Variants in ZNF385B observed in about 807,000 individuals in gnomAD.
The protein encoded by ZNF385B is zinc finger protein 385B, also known as zinc finger protein 533.
A neutral mutation model predicts 39.2 loss-of-function variants in ZNF385B; 23 were observed. That is an observed-to-expected ratio of 0.59 (90% CI 0.42 to 0.83). The LOEUF (loss-of-function observed/expected upper bound fraction) is 0.83, where lower values mean the gene tolerates loss of function less well. Among genes scored for constraint, ZNF385B ranks in the 40% least tolerant of loss-of-function variants. The pLI, the probability that ZNF385B is intolerant of heterozygous loss-of-function variation, is 0.00. For missense variants in ZNF385B, 552 were observed against 598.9 expected, an observed-to-expected ratio of 0.92 and a Z score of 0.82; for synonymous variants, 205 against 222.6, an observed-to-expected ratio of 0.92 and a Z score of 0.70.
At chr2:179,673,821 T>A (rs192407796) in intron 3 of ZNF385B, among the ~76,000 whole-genome samples, 2 of 152,370 alleles carry the variant, frequency 1.3e-5, no homozygotes, top group East Asian at 3.9e-4. Flanking sequence ...CATAACTTTT[T>A]AAAATACTCT....
intron 3 of ZNF385B, among the ~76,000 whole-genome samples, chr2:179,570,991 T>C (rs555589237): frequency 3.3e-5 from 5 of 152,380 alleles, no homozygotes; most frequent in Admixed American, 6.5e-5. Context: ...TGAATCTTTC[T>C]ATAAAGCAAA....
chr2:179,766,657 A>C (rs985570492), intron 3 of ZNF385B, among the ~76,000 whole-genome samples: 1 of 152,096 alleles, frequency 6.6e-6, no homozygotes, highest in Non-Finnish European at 1.5e-5. Flanking sequence ...TAAGGTTATC[A>C]GTCATATTGG....
intron 1 of ZNF385B, among the ~76,000 whole-genome samples, chr2:179,843,144 A>G (rs1208139496): frequency 1.3e-5 from 2 of 151,568 alleles, no homozygotes; most frequent in Non-Finnish European, 2.9e-5. Context: ...TGCTCCTCCT[A>G]CCTCCCAGGA....
At chr2:179,552,393 T>A (rs1371021179) in intron 3 of ZNF385B, among the ~76,000 whole-genome samples, 1 of 149,214 alleles carries the variant, frequency 6.7e-6, no homozygotes, top group Non-Finnish European at 1.5e-5. Flanking sequence ...CAGGAGTAGT[T>A]TCTTCTTATG....
chr2:179,685,124 A>T (rs1468654089), intron 3 of ZNF385B, among the ~76,000 whole-genome samples: 1 of 152,218 alleles, frequency 6.6e-6, no homozygotes, highest in Non-Finnish European at 1.5e-5. Flanking sequence ...GCCTTTCATC[A>T]ACTATGAACT....
chr2:179,533,696 C>G (rs2059398082), intron 4 of ZNF385B, among the ~76,000 whole-genome samples: 1 of 152,082 alleles, frequency 6.6e-6, no homozygotes, highest in Non-Finnish European at 1.5e-5. Context: ...ATTATCAATA[C>G]ATGAAGGATA....
chr2:179,822,385 A>G (rs980031504), intron 1 of ZNF385B, among the ~76,000 whole-genome samples: 4 of 152,268 alleles, frequency 2.6e-5, no homozygotes, highest in Admixed American at 1.3e-4. Context: ...AAGTACTTTA[A>G]CATTCAAAAA....
intron 1 of ZNF385B, among the ~76,000 whole-genome samples, chr2:179,851,122 C>T (rs1684110691): frequency 6.6e-6 from 1 of 152,202 alleles, no homozygotes; most frequent in Non-Finnish European, 1.5e-5. Context: ...TCACCAATCT[C>T]TTCAGTTACC....
intron 1 of ZNF385B, among the ~76,000 whole-genome samples, chr2:179,773,378 T>G (rs1704125440): frequency 6.6e-6 from 1 of 152,142 alleles, no homozygotes; most frequent in Non-Finnish European, 1.5e-5. Flanking sequence ...CCCTAACAAC[T>G]TGGCTTGCAA....
At chr2:179,830,114 C>T (rs1053880676) in intron 1 of ZNF385B, among the ~76,000 whole-genome samples, 2 of 152,170 alleles carry the variant, frequency 1.3e-5, no homozygotes, top group Admixed American at 6.5e-5. Flanking sequence ...TGAAAGACTC[C>T]GTATCATGTC....
At position 179,442,984 on chromosome 2, in the gene ZNF385B, G is replaced by A. The variant is rs1165372696; in HGVS notation, c.*266C>T. On this transcript the variant is annotated 3_prime_UTR_variant, in exon 10 of 10. Coordinates refer to ENST00000410066, the MANE Select transcript of ZNF385B (RefSeq NM_152520.6). Reference sequence around the variant, plus strand: ...TACATGCTCAAGAAATCAAATATCTGAGATACACAAATTGAACGCGGTAGG... The same window carrying A: ...TACATGCTCAAGAAATCAAATATCTAAGATACACAAATTGAACGCGGTAGG... The A allele has an allele frequency of 3.6e-6, 2 of 552,500 alleles. No individual in the cohort carries two copies. Among genetic ancestry groups the A allele is most frequent in the Non-Finnish European group, 6.5e-6 (2 of 308,032 alleles). The allele number at this position is 552,500 out of a possible 1,614,324, so 34.2% of individuals were successfully genotyped here.
At chr2:179,848,461 G>A (rs1224762226) in intron 1 of ZNF385B, among the ~76,000 whole-genome samples, 1 of 152,214 alleles carries the variant, frequency 6.6e-6, no homozygotes, top group Non-Finnish European at 1.5e-5. Flanking sequence ...TACTCGGTAT[G>A]TGCAGTTTGT....
At chr2:179,453,008 C>G (rs922704743) in intron 6 of ZNF385B, among the ~76,000 whole-genome samples, 7 of 152,092 alleles carry the variant, frequency 4.6e-5, no homozygotes, top group Admixed American at 4.6e-4. Flanking sequence ...ATACATTACT[C>G]TACACTATTT....
At chr2:179,528,397 G>C (rs2105847757) in intron 4 of ZNF385B, among the ~76,000 whole-genome samples, 1 of 152,336 alleles carries the variant, frequency 6.6e-6, no homozygotes, top group East Asian at 1.9e-4. Context: ...TGCACAGCGT[G>C]GTTGGCCTGG....
chr2:179,696,326 C>CTTTTTGTTTTTTTTTTTTTTTTT (rs1698745662), intron 3 of ZNF385B, among the ~76,000 whole-genome samples: 1 of 40,354 alleles, frequency 2.5e-5, no homozygotes, highest in African/African-American at 1.0e-4. Flanking sequence ...CAAACTGGGA[C>CTTTTTGTTTTTTTTTTTTTTTTT]TTTTTTTTTT....
chr2:179,717,523 C>T (rs748853785), intron 3 of ZNF385B, among the ~76,000 whole-genome samples: 11 of 152,030 alleles, frequency 7.2e-5, no homozygotes, highest in Admixed American at 1.3e-4. Flanking sequence ...ACTTGAGCCC[C>T]GGAGTTTGAG....
chr2:179,529,838 A>T (rs1189115238), intron 4 of ZNF385B, among the ~76,000 whole-genome samples: 2 of 152,220 alleles, frequency 1.3e-5, no homozygotes, highest in Non-Finnish European at 2.9e-5. Flanking sequence ...GATAAATATG[A>T]ACAAAACTGG....
At chr2:179,789,329 T>G (rs1449548044) in intron 1 of ZNF385B, among the ~76,000 whole-genome samples, 1 of 152,144 alleles carries the variant, frequency 6.6e-6, no homozygotes, top group African/African-American at 2.4e-5. Context: ...TAGAAAAAAC[T>G]TTGAGAAAGA....
chr2:179,705,507 G>A (rs1198147361), intron 3 of ZNF385B, among the ~76,000 whole-genome samples: 1 of 152,114 alleles, frequency 6.6e-6, no homozygotes, highest in Non-Finnish European at 1.5e-5. Context: ...CTTTATTGAA[G>A]AAAAATTTGA....
Sources: allele counts gnomAD v4.1 joint callset (sites outside exome capture counted in the v4.1 genomes callset), GRCh38; gene constraint gnomAD v4.1.1; transcripts MANE v1.5; gene names NCBI Gene and HGNC (gene_info 2026-07-23, HGNC 2026-07-21).